Variants in LRP3 observed in about 807,000 individuals in gnomAD.
LRP3 encodes LDL receptor related protein 3.
In LRP3, 49 loss-of-function variants were observed where a neutral mutation model predicts 58.5. The ratio of observed to expected loss-of-function variants is 0.84; its 90% CI spans 0.67 to 1.06. The LOEUF is 1.06. Ranked by LOEUF, LRP3 falls within the 50% of genes least tolerant of loss-of-function variation. The pLI is 0.00. For synonymous variants in LRP3, 485 were observed against 492.2 expected (o/e 0.99, Z 0.20); for missense variants, 1,019 against 1,134.2 (o/e 0.90, Z 1.46).
rs567716728 is a variant in LRP3, at chr19:33,206,270, G to A, written c.1500G>A (p.Ala500=). The A allele has an allele frequency of 9.0e-5, 144 of 1,597,878 alleles. No homozygotes were observed. In the Admixed American group the frequency reaches 1.1e-3, roughly 13 times the overall value. The stretch of plus-strand genomic sequence containing the variant: ...CCGTGCCCCGCAAGGTCATCACGGC[G>A]GCGCTCATTGGCAGCCTGGTGTGTG... ...LAAVPRKVIT[A]ALIGSLVCGL... The change falls in exon 5 of 7, where the codon GCG becomes GCA. Residue 500 remains alanine, a synonymous_variant. Coordinates refer to ENST00000253193, the MANE Select transcript of LRP3 (RefSeq NM_002333.4).
intron 3 of LRP3, among the ~76,000 whole-genome samples, chr19:33,203,324 A>ATG (rs34666491): frequency 2.7e-4 from 38 of 140,062 alleles, no homozygotes; most frequent in South Asian, 4.5e-4. Flanking sequence ...GTGTGTGCAT[A>ATG]TGTGTGTGTG....
intron 3 of LRP3, 94 bp downstream of exon 3, chr19:33,203,080 C>G: frequency 2.8e-6 from 4 of 1,437,768 alleles, no homozygotes; most frequent in Non-Finnish European, 3.8e-6. Flanking sequence ...GTGGAGGGCA[C>G]ACGCCTGAGG....
intron 4 of LRP3, 24 bp from the exon 5 acceptor site, chr19:33,205,222 C>G (rs754211401): frequency 6.3e-7 from 1 of 1,597,466 alleles, no homozygotes; most frequent in Non-Finnish European, 8.5e-7. Context: ...CCTGACTGTC[C>G]CCTGCTACGT....
At chr19:33,203,758 G>A (rs1050036911) in intron 3 of LRP3, 1 of 152,240 alleles carries the variant, frequency 6.6e-6, no homozygotes, top group South Asian at 2.1e-4. Context: ...GGTGGCAGAG[G>A]TGTCCTCTCT....
intron 2 of LRP3, among the ~76,000 whole-genome samples, chr19:33,200,642 G>A (rs114123066): frequency 0.013 from 1,996 of 152,298 alleles, 38 homozygotes; most frequent in African/African-American, 0.046. Context: ...ACCAGGCTGG[G>A]GCCGGGGCCA....
At position 33,206,360 on chromosome 19, in the gene LRP3, C is replaced by G; in HGVS notation, c.1590C>G (p.Tyr530Ter). 1 of 1,604,650 alleles carries G rather than the reference C, an allele frequency of 6.2e-7. No homozygotes were observed. The highest frequency in any genetic ancestry group is 8.5e-7 in the Non-Finnish European group (1 of 1,178,842). The change falls in exon 5 of 7, where the codon TAC (tyrosine) becomes TAG (stop). Residue 530 changes from tyrosine (Y) to a stop codon, truncating the protein, a stop_gained and splice_region_variant. Coordinates refer to ENST00000253193, the MANE Select transcript of LRP3 (RefSeq NM_002333.4). LOFTEE classifies it high-confidence loss of function. ...FKLYSLRTQE[Y>*]RAFETQMTRL... The stretch of plus-strand genomic sequence containing the variant: ...TCTACTCACTGCGCACGCAGGAATA[C>G]AGGTGGGCGCTGTGCCCGCAGCCAG...
In LRP3 at chr19:33,205,641, TC is replaced by T; in HGVS notation, c.874del (p.Arg292GlyfsTer43). The T allele has an allele frequency of 6.2e-7, 1 of 1,610,320 alleles. No homozygotes were observed. The highest frequency in any genetic ancestry group is 8.5e-7 in the Non-Finnish European group (1 of 1,179,402). On this transcript the variant is annotated frameshift_variant, in exon 5 of 7. Transcript: ENST00000253193. LOFTEE classifies it high-confidence loss of function. ...CACGTGGCTGGTGGACACACAGGACTCCCGGCGGGTGCTGCTGCAGCTGGAA... is the reference window on the plus strand; with the variant it reads ...CACGTGGCTGGTGGACACACAGGACTCCGGCGGGTGCTGCTGCAGCTGGAA... ...HCTWLVDTQD[S>X]RRVLLQLELR...
chr19:33,195,970 T>G (rs1974280888), intron 1 of LRP3, among the ~76,000 whole-genome samples: 2 of 151,938 alleles, frequency 1.3e-5, no homozygotes, highest in South Asian at 4.1e-4. Context: ...CTGACACACA[T>G]CCTGAACCCC....
intron 3 of LRP3, 110 bp from the exon 4 acceptor site, chr19:33,204,528 C>T: frequency 1.3e-6 from 1 of 771,832 alleles, no homozygotes. Flanking sequence ...CCGGCCGGGA[C>T]AGGGCTGGCT....
At chr19:33,200,595 A>T (rs529907785) in intron 2 of LRP3, among the ~76,000 whole-genome samples, 100 of 152,318 alleles carry the variant, frequency 6.6e-4, no homozygotes, top group African/African-American at 2.3e-3. Flanking sequence ...GGGCTCTGTG[A>T]GGTCCTCATG....
intron 2 of LRP3, among the ~76,000 whole-genome samples, chr19:33,198,529 T>C (rs960169426): frequency 2.0e-5 from 3 of 152,216 alleles, no homozygotes; most frequent in African/African-American, 7.2e-5. Flanking sequence ...GAGCTTTCCC[T>C]GGGATTCCTG....
At position 33,206,626 on chromosome 19, in the gene LRP3, C is replaced by T. The variant is rs1974414821; in HGVS notation, c.1618C>T (p.Leu540=). Reference sequence around the variant, plus strand: ...GGCCTTCGAGACCCAGATGACGCGCCTGGAGGCTGAGTTCGTGCGGCGGGA... The same window carrying T: ...GGCCTTCGAGACCCAGATGACGCGCTTGGAGGCTGAGTTCGTGCGGCGGGA... ...YRAFETQMTR[L]EAEFVRREAP... is the part of the protein sequence containing the mutation. The change falls in exon 6 of 7, where the codon CTG becomes TTG. Residue 540 remains leucine, a synonymous_variant. Coordinates refer to ENST00000253193, the MANE Select transcript of LRP3 (RefSeq NM_002333.4). 1 of 1,607,684 alleles carries T rather than the reference C, an allele frequency of 6.2e-7. No homozygotes were observed. The highest frequency in any genetic ancestry group is 1.1e-5 in the South Asian group (1 of 90,514).
At chr19:33,195,696 G>T (rs1223366061) in intron 1 of LRP3, among the ~76,000 whole-genome samples, 1 of 152,222 alleles carries the variant, frequency 6.6e-6, no homozygotes, top group Non-Finnish European at 1.5e-5. Context: ...CCGAGGCTCT[G>T]GCAGGCCCTT....
At chr19:33,202,297 G>T (rs779879295) in intron 2 of LRP3, among the ~76,000 whole-genome samples, 1 of 152,196 alleles carries the variant, frequency 6.6e-6, no homozygotes, top group African/African-American at 2.4e-5. Context: ...CGTAAAGTTC[G>T]TCTGCTCCCA....
At chr19:33,200,819 G>T (rs897072770) in intron 2 of LRP3, among the ~76,000 whole-genome samples, 1 of 152,236 alleles carries the variant, frequency 6.6e-6, no homozygotes, top group East Asian at 1.9e-4. Flanking sequence ...GTGGAGAGGT[G>T]CTGGCTTGCA....
At chr19:33,197,178 A>G (rs1386720303) in intron 2 of LRP3, among the ~76,000 whole-genome samples, 1 of 152,196 alleles carries the variant, frequency 6.6e-6, no homozygotes, top group African/African-American at 2.4e-5. Flanking sequence ...TGACACAGAG[A>G]GGCCCATGCC....
intron 5 of LRP3, 78 bp from the exon 6 acceptor site, chr19:33,206,523 C>A (rs765715443): frequency 6.3e-7 from 1 of 1,584,884 alleles, no homozygotes; most frequent in South Asian, 1.1e-5. Flanking sequence ...GGTGGAGGGT[C>A]GTCCTGGAAT....
Position 33,205,655 on chromosome 19 carries a change from G to C in LRP3, c.885G>C (p.Leu295=). 6.2e-7 allele frequency: 1 copy of C among 1,609,520 alleles called. No individual in the cohort carries two copies. The highest frequency in any genetic ancestry group is 8.5e-7 in the Non-Finnish European group (1 of 1,179,424). The part of the protein sequence containing the change: ...LVDTQDSRRV[L]LQLELRLGYD... ...ACACACAGGACTCCCGGCGGGTGCT[G>C]CTGCAGCTGGAACTGCGGCTGGGCT... is the stretch of plus-strand genomic sequence containing the variant. Residue 295 remains leucine, a synonymous_variant, in exon 5 of 7, where the codon CTG becomes CTC. Transcript: ENST00000253193.
At chr19:33,203,060 G>A in intron 3 of LRP3, 74 bp downstream of exon 3, 1 of 1,540,900 alleles carries the variant, frequency 6.5e-7, no homozygotes, top group Non-Finnish European at 8.8e-7. Flanking sequence ...ATGTGTGTGT[G>A]TGAGCAGGTG....
Sources: gnomAD v4.1 joint callset for allele counts (sites outside exome capture counted in the v4.1 genomes callset) on GRCh38, gnomAD v4.1.1 for gene constraint, MANE v1.5 for transcripts, NCBI Gene and HGNC (gene_info 2026-07-23, HGNC 2026-07-21) for gene names.